UBE2U: variants seen among roughly 807,000 people sequenced by gnomAD.
UBE2U encodes the protein ubiquitin-conjugating enzyme E2 U.
In UBE2U, 39 loss-of-function variants were observed where a neutral mutation model predicts 41.2. The observed-to-expected ratio is 0.95, with a 90% CI of 0.73 to 1.24. UBE2U has a LOEUF of 1.24. UBE2U is among the 50% of genes most tolerant of loss of function. The pLI, the probability that UBE2U is intolerant of heterozygous loss-of-function variation, is 0.00. For missense variants in UBE2U, 336 were observed against 363.1 expected (o/e 0.93, Z 0.61); for synonymous variants, 107 against 117.8 (o/e 0.91, Z 0.60).
intron 8 of UBE2U, among the ~76,000 whole-genome samples, chr1:64,243,756 C>A (rs1644873532): frequency 6.6e-6 from 1 of 152,164 alleles, no homozygotes; most frequent in Non-Finnish European, 1.5e-5. Flanking sequence ...GACCTCCTTA[C>A]CACGTTGTAC....
At chr1:64,254,564 C>T (rs551433762) in intron 8 of UBE2U, among the ~76,000 whole-genome samples, 67 of 152,286 alleles carry the variant, frequency 4.4e-4, no homozygotes, top group African/African-American at 1.6e-3. Context: ...TTTCAGACCA[C>T]AGCACAATCA....
At chr1:64,211,056 AC>A (rs1309925008) in intron 4 of UBE2U, among the ~76,000 whole-genome samples, 1 of 152,212 alleles carries the variant, frequency 6.6e-6, no homozygotes, top group African/African-American at 2.4e-5. Flanking sequence ...GCCCCTCAAG[AC>A]CAAAGAATGC....
At chr1:64,256,241 A>G (rs758188658) in intron 8 of UBE2U, among the ~76,000 whole-genome samples, 2 of 152,210 alleles carry the variant, frequency 1.3e-5, no homozygotes, top group Admixed American at 1.3e-4. Flanking sequence ...ACTACCATTG[A>G]CATTCTTCAC....
intron 5 of UBE2U, chr1:64,215,368 A>G (rs1651932775): frequency 6.3e-6 from 1 of 159,810 alleles, no homozygotes; most frequent in Admixed American, 6.0e-5. Flanking sequence ...ATTTTCAGTA[A>G]TGAATGGTAT....
chr1:64,263,167 C>G (rs71645569), intron 9 of UBE2U, among the ~76,000 whole-genome samples: 26,155 of 152,140 alleles, frequency 0.17, 2,906 homozygotes, highest in Non-Finnish European at 0.25. Flanking sequence ...AGACTCCTTT[C>G]TGTCTACTCT....
chr1:64,239,769 T>A (rs1259258240), intron 7 of UBE2U, among the ~76,000 whole-genome samples: 1 of 152,162 alleles, frequency 6.6e-6, no homozygotes, highest in Non-Finnish European at 1.5e-5. Flanking sequence ...AGTCTATCAT[T>A]GGTGGACATT....
chr1:64,264,413 A>G (rs1206612884), intron 9 of UBE2U, among the ~76,000 whole-genome samples: 1 of 152,218 alleles, frequency 6.6e-6, no homozygotes, highest in Non-Finnish European at 1.5e-5. Context: ...TATAATGCTT[A>G]AGATTTCCTG....
intron 7 of UBE2U, among the ~76,000 whole-genome samples, chr1:64,236,891 A>G (rs1050523333): frequency 6.6e-6 from 1 of 152,164 alleles, no homozygotes; most frequent in African/African-American, 2.4e-5. Flanking sequence ...AAAACTTTCA[A>G]TATAGATGGC....
intron 5 of UBE2U, among the ~76,000 whole-genome samples, chr1:64,217,709 AAGG>A (rs1652121922): frequency 6.6e-6 from 1 of 152,166 alleles, no homozygotes; most frequent in African/African-American, 2.4e-5. Context: ...TTTGATAAAA[AAGG>A]AGGATCATCT....
intron 6 of UBE2U, among the ~76,000 whole-genome samples, chr1:64,229,024 C>T (rs944594378): frequency 6.6e-6 from 1 of 151,956 alleles, no homozygotes; most frequent in Admixed American, 6.6e-5. Flanking sequence ...TCATGCTCAG[C>T]TTATTTTTGT....
chr1:64,206,865 TA>T lies in UBE2U; in HGVS notation c.241+12del. On this transcript the variant is annotated intron_variant, in intron 3 of 9. Coordinates refer to ENST00000371077, the MANE Select transcript of UBE2U (RefSeq NM_001366232.2). Reference sequence around the variant, plus strand: ...TCCGTTTCATCCAAATGGTAAGAACTAAATGACATTTTTATCATTAGAGGCT... The same window carrying T: ...TCCGTTTCATCCAAATGGTAAGAACTAATGACATTTTTATCATTAGAGGCT... 1 of 1,504,046 alleles carries T rather than the reference TA, an allele frequency of 6.6e-7. No individual in the cohort carries two copies. Among genetic ancestry groups the T allele is most frequent in the South Asian group, 1.2e-5 (1 of 86,206 alleles). The allele number at this position is 1,504,046 out of a possible 1,614,324, so 93.2% of individuals were successfully genotyped here. A position where few individuals can be genotyped will look rare whatever the true frequency, so the allele number is the denominator to read the frequency against.
intron 9 of UBE2U, among the ~76,000 whole-genome samples, chr1:64,265,944 AC>A (rs1054397992): frequency 1.3e-5 from 2 of 152,250 alleles, no homozygotes; most frequent in African/African-American, 4.8e-5. Flanking sequence ...CATGTCTATA[AC>A]ATTAGAAGAC....
chr1:64,220,416 G>A (rs1418411028), intron 5 of UBE2U, among the ~76,000 whole-genome samples: 1 of 152,142 alleles, frequency 6.6e-6, no homozygotes, highest in African/African-American at 2.4e-5. Context: ...CCAGTCCTGA[G>A]TCTCTCTGGC....
At chr1:64,263,233 A>C (rs705545) in intron 9 of UBE2U, among the ~76,000 whole-genome samples, 149,368 of 152,270 alleles carry the variant, frequency 0.98, 73,277 homozygotes, top group East Asian at 1. Context: ...CAGAAATATT[A>C]ATTCCTGCTC....
rs532378669 is a variant in UBE2U at position 64,208,097 on chromosome 1, A to T, written c.241+1241A>T. Among the ~76,000 whole-genome samples the T allele has an allele frequency of 2.0e-5, 3 of 152,368 alleles. No individual in the cohort carries two copies. In the East Asian group the frequency reaches 5.8e-4, roughly 29 times the overall value. ...ATTAAAACAAAAAGTATTGTTATTT[A>T]TCACATATTCATAAAATGTCAAAAT... On this transcript the variant is annotated intron_variant, in intron 3 of 9. Coordinates refer to ENST00000371077, the MANE Select transcript of UBE2U (RefSeq NM_001366232.2).
At chr1:64,241,610 A>G in intron 7 of UBE2U, 42 bp from the exon 8 acceptor site, 1 of 1,402,918 alleles carries the variant, frequency 7.1e-7, no homozygotes, top group Non-Finnish European at 9.9e-7. Flanking sequence ...CTATTATTAA[A>G]GAATGTATGT....
At chr1:64,263,405 G>C (rs1046968815) in intron 9 of UBE2U, among the ~76,000 whole-genome samples, 1 of 152,124 alleles carries the variant, frequency 6.6e-6, no homozygotes, top group Non-Finnish European at 1.5e-5. Flanking sequence ...ATCATCACCA[G>C]AGCGTGCCTG....
At chr1:64,249,377 C>CAA (rs71584441) in intron 8 of UBE2U, among the ~76,000 whole-genome samples, 694 of 67,298 alleles carry the variant, frequency 0.01, 28 homozygotes, top group African/African-American at 0.017. Context: ...GACTCTGTCT[C>CAA]AAAAAAAAAA....
chr1:64,238,334 A>AGG (rs1644707994), intron 7 of UBE2U, among the ~76,000 whole-genome samples: 1 of 151,696 alleles, frequency 6.6e-6, no homozygotes, highest in Admixed American at 6.6e-5. Flanking sequence ...AACCTGGAAG[A>AGG]TGGAGGTTGC....
Sources: allele counts gnomAD v4.1 joint callset (sites outside exome capture counted in the v4.1 genomes callset), GRCh38; gene constraint gnomAD v4.1.1; transcripts MANE v1.5; gene names NCBI Gene and HGNC (gene_info 2026-07-23, HGNC 2026-07-21).